Variants in CLMP observed in about 807,000 individuals in gnomAD.
The protein encoded by CLMP is CXADR like cell adhesion molecule.
CLMP carries 27 observed loss-of-function variants against 45.2 expected under a neutral mutation model. That is an observed-to-expected ratio of 0.60 (90% CI 0.44 to 0.82). The LOEUF is 0.82. Ranked by LOEUF, CLMP falls within the 40% of genes least tolerant of loss-of-function variation. The probability of loss-of-function intolerance (pLI) is 0.00; values close to 1 mark genes in which losing one functional copy is unlikely to be tolerated. For synonymous variants in CLMP, 167 were observed against 171.4 expected (o/e 0.97, Z 0.20); for missense variants, 403 against 448.4 (o/e 0.90, Z 0.91).
chr11:123,089,107 C>G (rs1055549966), intron 2 of CLMP, among the ~76,000 whole-genome samples: 1 of 152,120 alleles, frequency 6.6e-6, no homozygotes, highest in Admixed American at 6.5e-5. Context: ...ATACATTTTT[C>G]TCGCCCGGGG....
chr11:123,183,184 C>G (rs1490984961), intron 1 of CLMP, among the ~76,000 whole-genome samples: 2 of 152,176 alleles, frequency 1.3e-5, no homozygotes, highest in South Asian at 4.1e-4. Flanking sequence ...GCATTTCCAA[C>G]AAGCTCCCTG....
intron 1 of CLMP, among the ~76,000 whole-genome samples, chr11:123,172,346 T>C (rs1861646873): frequency 6.6e-6 from 1 of 151,972 alleles, no homozygotes. Context: ...CTCCTGACCT[T>C]GTGATCCACC....
intron 1 of CLMP, among the ~76,000 whole-genome samples, chr11:123,118,929 T>TTTTCTTTTCTTTC (rs1565387590): frequency 9.8e-4 from 97 of 99,418 alleles, no homozygotes; most frequent in Admixed American, 1.4e-3. Context: ...TTTTCTTTTC[T>TTTTCTTTTCTTTC]TTTCTTTCTT....
At chr11:123,095,619 A>G (rs1865979965) in intron 2 of CLMP, among the ~76,000 whole-genome samples, 1 of 152,186 alleles carries the variant, frequency 6.6e-6, no homozygotes, top group South Asian at 2.1e-4. Context: ...CGCCATGGTA[A>G]TAGGTATGAA....
At chr11:123,112,301 T>G (rs1232327385) in intron 1 of CLMP, among the ~76,000 whole-genome samples, 1 of 152,078 alleles carries the variant, frequency 6.6e-6, no homozygotes, top group East Asian at 1.9e-4. Flanking sequence ...GTCACTATCT[T>G]GCCTTCAGGC....
At chr11:123,101,493 G>A (rs779875103) in intron 1 of CLMP, among the ~76,000 whole-genome samples, 1 of 152,176 alleles carries the variant, frequency 6.6e-6, no homozygotes, top group Admixed American at 6.6e-5. Context: ...AATGGCTTCC[G>A]GTATTCTTGC....
chr11:123,074,838 G>C lies in CLMP; in HGVS notation c.685C>G (p.Gln229Glu). The C allele has an allele frequency of 6.2e-7, 1 of 1,611,992 alleles. No individual in the cohort carries two copies. ...CVVRVTVQYVQSIGMVAGAVT... is the reference protein window; with the variant it reads ...CVVRVTVQYVESIGMVAGAVT... ...GCTCCTGCAACCATGCCGATGCTTT[G>C]TACATCTATTTTCTCAGAAGCAAAA... is the stretch of plus-strand genomic sequence containing the variant. The change falls in exon 6 of 7, where the codon CAA (glutamine) becomes GAA (glutamate). Residue 229 changes from glutamine to glutamate, a missense_variant. Gln to Glu is a conservative substitution (Grantham distance 29, BLOSUM62 2). Coordinates refer to ENST00000448775, the MANE Select transcript of CLMP (RefSeq NM_024769.5).
intron 1 of CLMP, among the ~76,000 whole-genome samples, chr11:123,098,792 C>T (rs185662357): frequency 7.9e-5 from 12 of 151,044 alleles, no homozygotes; most frequent in Admixed American, 2.0e-4. Flanking sequence ...CTGCAACCTC[C>T]GTCCCCCAGG....
intron 6 of CLMP, among the ~76,000 whole-genome samples, chr11:123,074,054 G>A (rs908082555): frequency 6.6e-6 from 1 of 152,040 alleles, no homozygotes; most frequent in Admixed American, 6.6e-5. Flanking sequence ...GGGTTTGTCT[G>A]CATAAACCCT....
At chr11:123,187,675 T>C (rs1196071893) in intron 1 of CLMP, among the ~76,000 whole-genome samples, 1 of 144,392 alleles carries the variant, frequency 6.9e-6, no homozygotes, top group Non-Finnish European at 1.5e-5. Flanking sequence ...ACAGATACAT[T>C]TTTTTTCTTT....
chr11:123,158,173 G>A (rs1861440658), intron 1 of CLMP, among the ~76,000 whole-genome samples: 1 of 152,132 alleles, frequency 6.6e-6, no homozygotes. Flanking sequence ...TCTAATATTG[G>A]CCACTGGTCT....
At chr11:123,122,111 A>G (rs1860827409) in intron 1 of CLMP, among the ~76,000 whole-genome samples, 1 of 152,166 alleles carries the variant, frequency 6.6e-6, no homozygotes, top group Admixed American at 6.5e-5. Flanking sequence ...CACATTACCT[A>G]AAATATCCGT....
chr11:123,086,276 G>C (rs1865864902), intron 2 of CLMP, among the ~76,000 whole-genome samples: 1 of 152,226 alleles, frequency 6.6e-6, no homozygotes, highest in Non-Finnish European at 1.5e-5. Flanking sequence ...CTATTAAACA[G>C]AGAAAAAGAA....
intron 1 of CLMP, among the ~76,000 whole-genome samples, chr11:123,111,240 A>T (rs1860633647): frequency 6.6e-6 from 1 of 151,972 alleles, no homozygotes; most frequent in African/African-American, 2.4e-5. Flanking sequence ...CCTGGGTTCA[A>T]GTGCCTCAGC....
intron 1 of CLMP, among the ~76,000 whole-genome samples, chr11:123,132,741 G>A (rs1371421311): frequency 1.3e-5 from 2 of 151,748 alleles, no homozygotes; most frequent in East Asian, 3.9e-4. Flanking sequence ...TTACAGGTGT[G>A]AGACACTGTG....
intron 2 of CLMP, among the ~76,000 whole-genome samples, chr11:123,096,215 G>A (rs906510934): frequency 1.6e-4 from 25 of 152,124 alleles, no homozygotes; most frequent in African/African-American, 5.6e-4. Flanking sequence ...TTAGCTGGGC[G>A]TGGTGGTGGA....
intron 1 of CLMP, among the ~76,000 whole-genome samples, chr11:123,145,472 T>TTG (rs1861225024): frequency 6.8e-6 from 1 of 147,208 alleles, no homozygotes; most frequent in African/African-American, 2.5e-5. Context: ...TTTTTTTTTT[T>TTG]TTTTTTTGAG....
chr11:123,183,397 A>G (rs1248737385), intron 1 of CLMP, among the ~76,000 whole-genome samples: 1 of 151,964 alleles, frequency 6.6e-6, no homozygotes, highest in Non-Finnish European at 1.5e-5. Context: ...TGCCTGGCTA[A>G]TTTTTGTATT....
chr11:123,136,616 G>A (rs1861076963), intron 1 of CLMP, among the ~76,000 whole-genome samples: 1 of 138,348 alleles, frequency 7.2e-6, no homozygotes, highest in Non-Finnish European at 1.5e-5. Flanking sequence ...CGCCCAGGCT[G>A]GAGTGCAGTG....
Sources: gnomAD v4.1 joint callset for allele counts (sites outside exome capture counted in the v4.1 genomes callset) on GRCh38, gnomAD v4.1.1 for gene constraint, MANE v1.5 for transcripts, NCBI Gene and HGNC (gene_info 2026-07-23, HGNC 2026-07-21) for gene names.